The following MARCHF8 variants were observed in gnomAD, a reference collection of about 807,000 sequenced individuals.
MARCHF8 encodes the protein E3 ubiquitin-protein ligase MARCHF8.
A neutral mutation model predicts 51.6 loss-of-function variants in MARCHF8; 40 were observed. That is an observed-to-expected ratio of 0.77 (90% confidence interval 0.60 to 1.01). The LOEUF (loss-of-function observed/expected upper bound fraction) is 1.01, where lower values mean the gene tolerates loss of function less well. MARCHF8 is among the 50% of genes least tolerant of loss of function. The pLI is 0.00. For synonymous variants in MARCHF8, 263 were observed against 280.3 expected (o/e 0.94, Z 0.62); for missense variants, 685 against 708.6 (o/e 0.97, Z 0.38).
chr10:45,588,152 T>C (rs1226122052), intron 1 of MARCHF8, among the ~76,000 whole-genome samples: 1 of 151,438 alleles, frequency 6.6e-6, no homozygotes, highest in African/African-American at 2.4e-5. Context: ...TATTTTTTCA[T>C]TTTGTCAAAA....
chr10:45,459,554 TAAAG>T (rs997206430), intron 6 of MARCHF8, among the ~76,000 whole-genome samples: 9 of 152,214 alleles, frequency 5.9e-5, no homozygotes, highest in Admixed American at 3.3e-4. Context: ...GATGGCCTGA[TAAAG>T]AATTCTATGA....
At chr10:45,565,165 T>C (rs1178812694) in intron 1 of MARCHF8, among the ~76,000 whole-genome samples, 1 of 152,118 alleles carries the variant, frequency 6.6e-6, no homozygotes, top group Non-Finnish European at 1.5e-5. Flanking sequence ...CAGTAGGCTG[T>C]CATCTCTGTA....
intron 3 of MARCHF8, among the ~76,000 whole-genome samples, chr10:45,480,025 C>G (rs529178062): frequency 6.6e-6 from 1 of 152,288 alleles, no homozygotes; most frequent in Admixed American, 6.5e-5. Flanking sequence ...GAAATCCAGG[C>G]TGAGGTGGTC....
In MARCHF8 at chr10:45,486,913, G is replaced by T. The variant is rs191580333; in HGVS notation, c.153+2454C>A. Among the ~76,000 whole-genome samples the T allele has an allele frequency of 1.7e-3, 260 of 149,266 alleles. 3 individuals are homozygous for T. Among genetic ancestry groups the T allele is most frequent in the African/African-American group, 5.3e-3 (215 of 40,454 alleles). Reference sequence around the variant, plus strand: ...CAACCTCCGCCTCCCAGGTTCAAGCGATTCTCCTGCCTCAGCCTCCCAAGC... The same window carrying T: ...CAACCTCCGCCTCCCAGGTTCAAGCTATTCTCCTGCCTCAGCCTCCCAAGC... On this transcript the variant is annotated intron_variant, in intron 3 of 7. Transcript: ENST00000453424.
At chr10:45,531,598 T>G (rs2133272804) in intron 2 of MARCHF8, among the ~76,000 whole-genome samples, 2 of 151,302 alleles carry the variant, frequency 1.3e-5, no homozygotes, top group East Asian at 3.9e-4. Flanking sequence ...ATCTCCACAG[T>G]GACATGACCC....
intron 1 of MARCHF8, among the ~76,000 whole-genome samples, chr10:45,551,082 G>C (rs139272926): frequency 1.3e-5 from 2 of 152,270 alleles, no homozygotes; most frequent in South Asian, 2.1e-4. Flanking sequence ...GAAACACTCA[G>C]AGAGGTCAAG....
chr10:45,459,370 C>G, intron 6 of MARCHF8, 103 bp from the exon 7 acceptor site: 1 of 1,307,168 alleles, frequency 7.7e-7, no homozygotes, highest in Non-Finnish European at 1.0e-6. Context: ...CCCCACTTCT[C>G]CCTTCCCAAA....
chr10:45,521,260 C>A (rs887099252), intron 2 of MARCHF8, among the ~76,000 whole-genome samples: 36 of 152,210 alleles, frequency 2.4e-4, no homozygotes, highest in African/African-American at 7.0e-4. Flanking sequence ...AAAAGATAAA[C>A]TGCCTAGGCA....
At chr10:45,587,112 T>A (rs1352512929) in intron 1 of MARCHF8, among the ~76,000 whole-genome samples, 3 of 152,098 alleles carry the variant, frequency 2.0e-5, no homozygotes, top group Middle Eastern at 3.4e-3. Context: ...ATCAGTGTCA[T>A]AAGGCAAGAA....
chr10:45,513,693 A>G (rs1477223302), intron 2 of MARCHF8, among the ~76,000 whole-genome samples: 2 of 151,668 alleles, frequency 1.3e-5, no homozygotes, highest in Non-Finnish European at 2.9e-5. Flanking sequence ...GGCATCCACA[A>G]AAAATCAGAC....
intron 1 of MARCHF8, among the ~76,000 whole-genome samples, chr10:45,588,915 C>CATGAACA (rs2044646781): frequency 7.1e-6 from 1 of 141,112 alleles, no homozygotes; most frequent in African/African-American, 2.7e-5. Context: ...GGGAGACTGG[C>CATGAACA]ATGAACATGG....
chr10:45,538,592 C>T (rs1204981424), upstream of MARCHF8, among the ~76,000 whole-genome samples: 2 of 152,144 alleles, frequency 1.3e-5, no homozygotes, highest in Non-Finnish European at 2.9e-5. Context: ...TAGAGACACA[C>T]ATAGGCTCAA....
Position 45,463,387 on chromosome 10 carries a change from A to C in MARCHF8, c.852T>G (p.Ala284=). 1 of 1,550,740 alleles carries C rather than the reference A, an allele frequency of 6.4e-7. No individual in the cohort carries two copies. The highest frequency in any genetic ancestry group is 1.2e-5 in the South Asian group (1 of 84,066). Reference sequence around the variant, plus strand: ...AGGACTTGGCAGTGTGCAGGCGAGCAGCGCAGCTCTCCAGCTCATGGAACC... The same window carrying C: ...AGGACTTGGCAGTGTGCAGGCGAGCCGCGCAGCTCTCCAGCTCATGGAACC... ...LHRFHELESC[A]ARLHTAKSSS... Residue 284 remains alanine, a synonymous_variant, in exon 5 of 8, where the codon GCT becomes GCG. Coordinates refer to ENST00000453424, the MANE Select transcript of MARCHF8 (RefSeq NM_001282866.2).
Position 45,463,907 on chromosome 10 carries a change from G to T in MARCHF8, c.332C>A (p.Thr111Lys). 1 of 1,536,550 alleles carries T rather than the reference G, an allele frequency of 6.5e-7. No homozygotes were observed. Among genetic ancestry groups the T allele is most frequent in the Non-Finnish European group, 8.7e-7 (1 of 1,146,930 alleles). ...SKAPHCQSSL[T>K]QGLTVTVICK... Reference sequence around the variant, plus strand: ...GATAACTGTCACAGTGAGCCCTTGTGTCAGAGAACTCTGGCAGTGAGGAGC... The same window carrying T: ...GATAACTGTCACAGTGAGCCCTTGTTTCAGAGAACTCTGGCAGTGAGGAGC... Residue 111 changes from threonine to lysine, a missense_variant, in exon 5 of 8, where the codon ACA (threonine) becomes AAA (lysine). By Grantham distance (78) the Thr-to-Lys change is moderately conservative (BLOSUM62 -1). Coordinates refer to ENST00000453424, the MANE Select transcript of MARCHF8 (RefSeq NM_001282866.2).
At position 45,484,763 on chromosome 10, in the gene MARCHF8, C is replaced by G. The variant is rs531750642; in HGVS notation, c.153+4604G>C. The stretch of plus-strand genomic sequence containing the variant: ...AGGGGTAAGATTGGGAGAGGCCTCT[C>G]GGACAGAACAAAAGGTGCGCAAATA... On this transcript the variant is annotated intron_variant, in intron 3 of 7. Transcript: ENST00000453424. 2.0e-5 allele frequency among the ~76,000 whole-genome samples: 3 copies of G among 152,110 alleles called. No individual in the cohort carries two copies. The East Asian group carries it at 5.8e-4, about 29-fold the overall frequency.
chr10:45,551,272 TATC>T (rs2044191502), intron 1 of MARCHF8, among the ~76,000 whole-genome samples: 1 of 152,288 alleles, frequency 6.6e-6, no homozygotes, highest in East Asian at 1.9e-4. Context: ...CACATAACAT[TATC>T]ATAAGTCAGA....
At chr10:45,475,409 G>A (rs889211208) in intron 3 of MARCHF8, among the ~76,000 whole-genome samples, 7 of 152,194 alleles carry the variant, frequency 4.6e-5, no homozygotes, top group African/African-American at 1.4e-4. Context: ...CATCCCCGGG[G>A]GGGGCTGAAG....
chr10:45,471,115 C>T (rs1002077022), intron 3 of MARCHF8, among the ~76,000 whole-genome samples: 2 of 152,166 alleles, frequency 1.3e-5, no homozygotes, highest in Admixed American at 6.5e-5. Flanking sequence ...GAAGCATGTA[C>T]AATTAAAAAC....
intron 1 of MARCHF8, among the ~76,000 whole-genome samples, chr10:45,579,225 AAG>A (rs1444031080): frequency 2.0e-5 from 3 of 152,240 alleles, no homozygotes; most frequent in Non-Finnish European, 2.9e-5. Flanking sequence ...GAAAGGGGGA[AAG>A]AGTGATAAAG....
Sources: gnomAD v4.1 joint callset for allele counts (sites outside exome capture counted in the v4.1 genomes callset) on GRCh38, gnomAD v4.1.1 for gene constraint, MANE v1.5 for transcripts, NCBI Gene and HGNC (gene_info 2026-07-23, HGNC 2026-07-21) for gene names.